Variants in CLIC5 observed in about 807,000 individuals in gnomAD.
CLIC5 encodes the protein chloride intracellular channel protein 5.
In CLIC5, 20 loss-of-function variants were observed where a neutral mutation model predicts 24.7. The observed-to-expected ratio is 0.81, with a 90% CI of 0.57 to 1.18. CLIC5 has a LOEUF of 1.18. CLIC5 is among the 50% of genes most tolerant of loss of function. The probability of loss-of-function intolerance (pLI) is 0.00; values close to 1 mark genes in which losing one functional copy is unlikely to be tolerated. For synonymous variants in CLIC5, 159 were observed against 135.6 expected (o/e 1.17, Z -1.20); for missense variants, 341 against 326.1 (o/e 1.05, Z -0.35).
intron 6 of CLIC5, among the ~76,000 whole-genome samples, chr6:45,882,327 A>G (rs977710830): frequency 2.6e-5 from 4 of 152,248 alleles, no homozygotes; most frequent in Non-Finnish European, 2.9e-5. Context: ...GTCATTACCA[A>G]TCTCAGATTA....
chr6:46,055,706 G>C (rs1403317609), intron 1 of CLIC5, among the ~76,000 whole-genome samples: 1 of 152,212 alleles, frequency 6.6e-6, no homozygotes, highest in East Asian at 1.9e-4. Flanking sequence ...GGAGCTGGTG[G>C]CTGTCCTTTA....
chr6:45,944,536 G>T (rs1764228303), intron 3 of CLIC5, among the ~76,000 whole-genome samples: 2 of 113,766 alleles, frequency 1.8e-5, no homozygotes, highest in African/African-American at 3.5e-5. Flanking sequence ...AAGTAAAACA[G>T]TTGGCTTCTC....
Position 46,015,510 on chromosome 6 carries a change from G to C in CLIC5, c.33C>G (p.Asp11Glu). 6.4e-7 allele frequency: 1 copy of C among 1,574,208 alleles called. No individual in the cohort carries two copies. ...CAAAGAGCTCGATCTCGGGGTCCCT[G>C]TCGTCCCCGTTAGCTGTCGCCGAGT... is the stretch of plus-strand genomic sequence containing the variant. MTDSATANGDDRDPEIELFVK... is the reference protein window; with the variant it reads MTDSATANGDERDPEIELFVK... Residue 11 changes from aspartate to glutamate, a missense_variant, in exon 1 of 6, where the codon GAC (aspartate) becomes GAG (glutamate). Transcript: ENST00000339561.
chr6:46,042,418 A>G (rs1179353529), intron 1 of CLIC5, among the ~76,000 whole-genome samples: 1 of 151,462 alleles, frequency 6.6e-6, no homozygotes, highest in Admixed American at 6.6e-5. Flanking sequence ...AAATAAATTT[A>G]TTTAAATTCC....
chr6:46,119,508 G>A, the CLIC5 span, among the ~76,000 whole-genome samples: 18 of 152,336 alleles, frequency 1.2e-4, no homozygotes, highest in African/African-American at 2.4e-4. Context: ...CAGCGTGAGC[G>A]ACGCAGAAGA....
At chr6:45,950,195 G>T (rs533980446) in intron 2 of CLIC5, among the ~76,000 whole-genome samples, 31 of 152,168 alleles carry the variant, frequency 2.0e-4, no homozygotes, top group Non-Finnish European at 3.7e-4. Flanking sequence ...ATGAGGGAAA[G>T]GACCCAGAAC....
the CLIC5 span, among the ~76,000 whole-genome samples, chr6:46,109,780 T>A: frequency 6.6e-6 from 1 of 152,148 alleles, no homozygotes; most frequent in African/African-American, 2.4e-5. Flanking sequence ...TTTATCTTAC[T>A]CTTTACCTGA....
chr6:46,037,881 G>A (rs188693491), intron 1 of CLIC5, among the ~76,000 whole-genome samples: 1 of 152,310 alleles, frequency 6.6e-6, no homozygotes, highest in East Asian at 1.9e-4. Flanking sequence ...GTTACAGGTA[G>A]GGATTCACCA....
At chr6:45,998,033 G>A (rs1766214388) in intron 1 of CLIC5, among the ~76,000 whole-genome samples, 1 of 152,242 alleles carries the variant, frequency 6.6e-6, no homozygotes, top group South Asian at 2.1e-4. Context: ...TTTACCATTA[G>A]GAATGTGTGA....
downstream of CLIC5, among the ~76,000 whole-genome samples, chr6:45,896,067 C>A (rs1198293006): frequency 1.3e-5 from 2 of 152,108 alleles, no homozygotes; most frequent in Non-Finnish European, 2.9e-5. Context: ...CTGAATGAAC[C>A]CAATTGCAGG....
intron 1 of CLIC5, among the ~76,000 whole-genome samples, chr6:45,976,879 T>C (rs1377226502): frequency 6.6e-6 from 1 of 152,218 alleles, no homozygotes; most frequent in Non-Finnish European, 1.5e-5. Flanking sequence ...AAAAGGGATA[T>C]TGCTGATGCT....
intron 1 of CLIC5, among the ~76,000 whole-genome samples, chr6:46,059,710 C>T (rs1762186658): frequency 1.3e-5 from 2 of 152,140 alleles, no homozygotes; most frequent in South Asian, 4.1e-4. Flanking sequence ...CCTAGGTTTG[C>T]CCGGATTGCA....
chr6:45,967,504 T>C (rs964353904), intron 1 of CLIC5, among the ~76,000 whole-genome samples: 6 of 152,174 alleles, frequency 3.9e-5, no homozygotes, highest in East Asian at 3.9e-4. Flanking sequence ...AGTTTATTCA[T>C]ACAAAGTGGC....
chr6:46,116,884 C>A, the CLIC5 span, among the ~76,000 whole-genome samples: 1 of 152,138 alleles, frequency 6.6e-6, no homozygotes, highest in African/African-American at 2.4e-5. Context: ...CCTGACACTT[C>A]CCATAGAACC....
intron 3 of CLIC5, among the ~76,000 whole-genome samples, chr6:45,945,537 A>C (rs1422341925): frequency 6.6e-6 from 1 of 152,122 alleles, no homozygotes; most frequent in Admixed American, 6.5e-5. Context: ...GTATTCCAAA[A>C]ACTACAGGAT....
the CLIC5 span, among the ~76,000 whole-genome samples, chr6:46,094,752 T>G: frequency 6.6e-6 from 1 of 152,164 alleles, no homozygotes; most frequent in African/African-American, 2.4e-5. Context: ...TGCAAGCTGT[T>G]TGTGGCTCTA....
chr6:46,062,969 T>A (rs1762330189), intron 1 of CLIC5, among the ~76,000 whole-genome samples: 1 of 152,228 alleles, frequency 6.6e-6, no homozygotes, highest in African/African-American at 2.4e-5. Context: ...TTTCCCTGTT[T>A]TCTCATTGCT....
At chr6:45,915,481 C>G (rs181143090) in intron 4 of CLIC5, among the ~76,000 whole-genome samples, 1 of 152,076 alleles carries the variant, frequency 6.6e-6, no homozygotes, top group Non-Finnish European at 1.5e-5. Context: ...TTTGATGTCA[C>G]CCCCAGAGAA....
At chr6:46,042,634 GAC>G (rs776372692) in intron 1 of CLIC5, among the ~76,000 whole-genome samples, 2 of 152,086 alleles carry the variant, frequency 1.3e-5, no homozygotes, top group Admixed American at 1.3e-4. Flanking sequence ...CTCTCAATGA[GAC>G]AATGAAAAGA....
Sources: allele counts gnomAD v4.1 joint callset (sites outside exome capture counted in the v4.1 genomes callset), GRCh38; gene constraint gnomAD v4.1.1; transcripts MANE v1.5; gene names NCBI Gene and HGNC (gene_info 2026-07-23, HGNC 2026-07-21).